RBFOX2: variants seen among roughly 807,000 people sequenced by gnomAD.
The protein encoded by RBFOX2 is RNA binding fox-1 homolog 2.
A neutral mutation model predicts 49.1 loss-of-function variants in RBFOX2; 10 were observed. The ratio of observed to expected loss-of-function variants is 0.20; its 90% CI spans 0.13 to 0.35. The LOEUF (loss-of-function observed/expected upper bound fraction) is 0.35, where lower values mean the gene tolerates loss of function less well. RBFOX2 is among the 10% of genes least tolerant of loss of function. RBFOX2 has a pLI of 1.00. For missense variants in RBFOX2, 323 were observed against 486.9 expected (o/e 0.66, Z 3.17); for synonymous variants, 183 against 187.4 (o/e 0.98, Z 0.19).
At chr22:35,921,786 G>T (rs923169654) in intron 1 of RBFOX2, among the ~76,000 whole-genome samples, 4 of 152,216 alleles carry the variant, frequency 2.6e-5, no homozygotes, top group African/African-American at 4.8e-5. Context: ...GACAAATGAA[G>T]AGATGGACAA....
intron 1 of RBFOX2, among the ~76,000 whole-genome samples, chr22:35,928,832 C>T (rs1368116039): frequency 6.6e-6 from 1 of 152,098 alleles, no homozygotes; most frequent in African/African-American, 2.4e-5. Context: ...CTGATAAGCA[C>T]ATGAAAAGGT....
chr22:35,835,714 T>C (rs1339425696), intron 1 of RBFOX2, among the ~76,000 whole-genome samples: 1 of 152,042 alleles, frequency 6.6e-6, no homozygotes, highest in African/African-American at 2.4e-5. Context: ...GTGTGTGTGA[T>C]TAGGGGGTGA....
upstream of RBFOX2, chr22:35,961,738 G>A (rs1365146930): frequency 1.0e-5 from 13 of 1,248,388 alleles, no homozygotes; most frequent in Admixed American, 2.5e-5. Context: ...AAGGTTTTCC[G>A]TTCTCCCCAC....
At chr22:35,973,401 C>A (rs2056984418) in intron 1 of RBFOX2, among the ~76,000 whole-genome samples, 3 of 152,180 alleles carry the variant, frequency 2.0e-5, no homozygotes, top group Non-Finnish European at 4.4e-5. Context: ...CCAACATAAA[C>A]CATCTCCCAA....
At chr22:35,821,564 T>C (rs1187870172) in intron 1 of RBFOX2, among the ~76,000 whole-genome samples, 1 of 119,736 alleles carries the variant, frequency 8.4e-6, no homozygotes, top group Non-Finnish European at 1.6e-5. Flanking sequence ...ATTGCGCCAC[T>C]GCACTCCAGC....
intron 1 of RBFOX2, among the ~76,000 whole-genome samples, chr22:36,020,729 TAA>T (rs1165545776): frequency 1.3e-5 from 2 of 152,136 alleles, no homozygotes; most frequent in East Asian, 1.9e-4. Flanking sequence ...TGGCGATCAT[TAA>T]AAAGTCAGGA....
intron 1 of RBFOX2, among the ~76,000 whole-genome samples, chr22:35,937,466 A>G (rs951895096): frequency 6.6e-6 from 1 of 152,238 alleles, no homozygotes; most frequent in African/African-American, 2.4e-5. Context: ...CCACTCTGAT[A>G]TCAACTCAGC....
Position 35,814,071 on chromosome 22 carries a change from A to T in RBFOX2, c.28-4067T>A, listed in dbSNP as rs550141699. 3.9e-5 allele frequency among the ~76,000 whole-genome samples: 6 copies of T among 152,320 alleles called. No homozygotes were observed. In the East Asian group the frequency reaches 7.7e-4, roughly 20 times the overall value. On this transcript the variant is annotated intron_variant, in intron 1 of 11. Coordinates refer to ENST00000405409, the Ensembl canonical transcript of RBFOX2. Reference sequence around the variant, plus strand: ...ACTATTAATTTCTGAGTTGAGAATGATGTCTTTCTCTTTTAAACCACAGAT... The same window carrying T: ...ACTATTAATTTCTGAGTTGAGAATGTTGTCTTTCTCTTTTAAACCACAGAT...
At chr22:35,940,079 ATAGAG>A (rs1421619059), upstream of RBFOX2, among the ~76,000 whole-genome samples, 4 of 152,196 alleles carry the variant, frequency 2.6e-5, no homozygotes, top group East Asian at 5.8e-4. Context: ...GAATATAACA[ATAGAG>A]TAAACTTTCC....
At chr22:36,002,681 T>C (rs1473141437) in intron 1 of RBFOX2, among the ~76,000 whole-genome samples, 2 of 152,264 alleles carry the variant, frequency 1.3e-5, no homozygotes, top group African/African-American at 4.8e-5. Flanking sequence ...TCAAGTGCAA[T>C]GGCACGATCT....
chr22:35,946,970 T>A (rs1483545388), intron 1 of RBFOX2, among the ~76,000 whole-genome samples: 2 of 152,148 alleles, frequency 1.3e-5, no homozygotes, highest in Non-Finnish European at 2.9e-5. Flanking sequence ...GGAGGGAGGA[T>A]CACCTGAGGT....
At chr22:35,982,302 G>A (rs1479654994) in intron 1 of RBFOX2, among the ~76,000 whole-genome samples, 3 of 152,104 alleles carry the variant, frequency 2.0e-5, no homozygotes, top group African/African-American at 7.2e-5. Flanking sequence ...AACACAGAAG[G>A]ATAGCTCCTG....
Position 35,787,567 on chromosome 22 carries a change from A to G in RBFOX2, c.253-5821T>C, listed in dbSNP as rs529633977. On this transcript the variant is annotated intron_variant, in intron 2 of 11. Coordinates refer to ENST00000405409, the Ensembl canonical transcript of RBFOX2. The stretch of plus-strand genomic sequence containing the variant: ...ACGTACTTAAATGAGATCTTATCTC[A>G]CAACTGGGACATTCTCACTTTAAAT... 2.0e-5 allele frequency among the ~76,000 whole-genome samples: 3 copies of G among 152,358 alleles called. No homozygotes were observed. The South Asian group carries it at 6.2e-4, about 32-fold the overall frequency.
At chr22:35,812,430 C>G (rs912163402) in intron 1 of RBFOX2, among the ~76,000 whole-genome samples, 2 of 152,084 alleles carry the variant, frequency 1.3e-5, no homozygotes, top group African/African-American at 2.4e-5. Context: ...TATAGCTATT[C>G]TGGGCATCTG....
At chr22:35,782,814 C>A (rs1157809405) in intron 2 of RBFOX2, among the ~76,000 whole-genome samples, 2 of 152,176 alleles carry the variant, frequency 1.3e-5, no homozygotes, top group African/African-American at 4.8e-5. Flanking sequence ...TTTGCACATA[C>A]CCACAGTTAA....
At chr22:35,776,072 A>C (rs1026698626) in intron 4 of RBFOX2, among the ~76,000 whole-genome samples, 1 of 152,154 alleles carries the variant, frequency 6.6e-6, no homozygotes, top group Non-Finnish European at 1.5e-5. Context: ...TACACTTAAC[A>C]ACTAAAAATA....
At chr22:35,853,735 C>A (rs1237820563) in intron 1 of RBFOX2, among the ~76,000 whole-genome samples, 1 of 149,122 alleles carries the variant, frequency 6.7e-6, no homozygotes, top group Non-Finnish European at 1.5e-5. Context: ...TACCTCCAGG[C>A]GGTGGAATGG....
chr22:35,902,218 T>C (rs947380485), intron 1 of RBFOX2, among the ~76,000 whole-genome samples: 2 of 152,190 alleles, frequency 1.3e-5, no homozygotes, highest in African/African-American at 4.8e-5. Context: ...TTTGACGTCA[T>C]GAAGTCCTCC....
At chr22:35,864,764 G>A (rs1182779359) in intron 1 of RBFOX2, among the ~76,000 whole-genome samples, 1 of 152,184 alleles carries the variant, frequency 6.6e-6, no homozygotes, top group Non-Finnish European at 1.5e-5. Context: ...CACCAGTTCA[G>A]GGCAAAGGTC....
Sources: gnomAD v4.1 joint callset for allele counts (sites outside exome capture counted in the v4.1 genomes callset) on GRCh38, gnomAD v4.1.1 for gene constraint, MANE v1.5 for transcripts, NCBI Gene and HGNC (gene_info 2026-07-23, HGNC 2026-07-21) for gene names.